SCAMP2: variants seen among roughly 807,000 people sequenced by gnomAD.
The protein encoded by SCAMP2 is secretory carrier membrane protein 2.
A neutral mutation model predicts 44.1 loss-of-function variants in SCAMP2; 25 were observed. The ratio of observed to expected loss-of-function variants is 0.57; its 90% CI spans 0.41 to 0.79. SCAMP2 has a LOEUF of 0.79. Among genes scored for constraint, SCAMP2 ranks in the 30% least tolerant of loss-of-function variants. The pLI is 0.00. For synonymous variants in SCAMP2, 156 were observed against 166.0 expected, an observed-to-expected ratio of 0.94 and a Z score of 0.46; for missense variants, 355 against 411.0, an observed-to-expected ratio of 0.86 and a Z score of 1.18.
intron 1 of SCAMP2, among the ~76,000 whole-genome samples, chr15:74,866,010 GGAAGGAAA>G (rs2064541002): frequency 1.2e-5 from 1 of 81,208 alleles, no homozygotes; most frequent in Non-Finnish European, 2.2e-5. Flanking sequence ...AAGGAAGGAA[GGAAGGAAA>G]GGAGGGAGGG....
chr15:74,863,444 G>C (rs1243522705), intron 1 of SCAMP2, among the ~76,000 whole-genome samples: 1 of 151,520 alleles, frequency 6.6e-6, no homozygotes, highest in African/African-American at 2.4e-5. Flanking sequence ...CCAGGAGGTC[G>C]AGGCTGCAGT....
At chr15:74,864,360 C>T (rs901280528) in intron 1 of SCAMP2, among the ~76,000 whole-genome samples, 2 of 152,066 alleles carry the variant, frequency 1.3e-5, no homozygotes, top group African/African-American at 2.4e-5. Context: ...CGCACCTGGC[C>T]GAGAATCTTT....
chr15:74,866,889 C>T (rs989839112), intron 1 of SCAMP2, among the ~76,000 whole-genome samples: 1 of 151,790 alleles, frequency 6.6e-6, no homozygotes, highest in Non-Finnish European at 1.5e-5. Flanking sequence ...CTCCGCCTCC[C>T]GGGTTCAAGC....
At chr15:74,864,346 C>T (rs1343089373) in intron 1 of SCAMP2, among the ~76,000 whole-genome samples, 1 of 152,186 alleles carries the variant, frequency 6.6e-6, no homozygotes, top group Non-Finnish European at 1.5e-5. Flanking sequence ...CAGGCTTGAG[C>T]CACCGCACCT....
In SCAMP2 at chr15:74,845,199, G is replaced by A. The variant is rs747518031; in HGVS notation, c.874C>T (p.Arg292Trp). Residue 292 changes from arginine (R) to tryptophan (W), a missense_variant, in exon 9 of 9, where the codon CGG becomes TGG. By Grantham distance (101) the Arg-to-Trp change is moderately radical. Coordinates refer to ENST00000268099, the MANE Select transcript of SCAMP2 (RefSeq NM_005697.5). ...GCCTGCTGGAAGCTGGCCCCTGTCC[G>A]TCGGTAGAGGGAGTGCACCTGGCGA... ...LLQRVHSLYR[R>W]TGASFQQAQE... is the part of the protein sequence containing the mutation. 104 of 1,613,238 alleles carry A rather than the reference G, an allele frequency of 6.4e-5. No individual in the cohort carries two copies. The highest frequency in any genetic ancestry group is 8.4e-5 in the Non-Finnish European group (99 of 1,179,998).
chr15:74,862,684 T>C (rs1043669915), intron 1 of SCAMP2, among the ~76,000 whole-genome samples: 2 of 151,508 alleles, frequency 1.3e-5, no homozygotes, highest in African/African-American at 2.4e-5. Flanking sequence ...ATTTTGATTT[T>C]AAAAACACAT....
chr15:74,854,884 C>G (rs780522823), intron 1 of SCAMP2, among the ~76,000 whole-genome samples: 3 of 152,024 alleles, frequency 2.0e-5, no homozygotes, highest in Non-Finnish European at 4.4e-5. Context: ...CAAGCTTTAC[C>G]CAGAAGCTTG....
intron 3 of SCAMP2, chr15:74,852,835 C>T (rs1353384835): frequency 6.5e-6 from 1 of 153,060 alleles, no homozygotes; most frequent in Non-Finnish European, 1.5e-5. Flanking sequence ...CCACACTTAT[C>T]TCCTCTCCAG....
chr15:74,852,073 C>G lies in SCAMP2; in HGVS notation c.339G>C (p.Leu113Phe). The G allele has an allele frequency of 6.4e-7, 1 of 1,572,766 alleles. No homozygotes were observed. The highest frequency in any genetic ancestry group is 8.6e-7 in the Non-Finnish European group (1 of 1,158,578). Residue 113 changes from leucine (L) to phenylalanine (F), a missense_variant, in exon 4 of 9, where the codon TTG (leucine) becomes TTC (phenylalanine). Leu to Phe is a conservative substitution (Grantham distance 22, BLOSUM62 0). Coordinates refer to ENST00000268099, the MANE Select transcript of SCAMP2 (RefSeq NM_005697.5). ...ERELQNTVAN[L>F]HVRQNNWPPL... is the part of the protein sequence containing the mutation. ...GGCCCCAGCAGCCTCCCTTACCATG[C>G]AAGTTGGCTACAGTGTTCTGCAGCT...
intron 6 of SCAMP2, among the ~76,000 whole-genome samples, chr15:74,849,227 T>C (rs1035412635): frequency 6.6e-6 from 1 of 152,080 alleles, no homozygotes; most frequent in Non-Finnish European, 1.5e-5. Flanking sequence ...ATAATAAAAC[T>C]GTATGAGGCC....
chr15:74,850,876 T>C (rs1261049235), intron 5 of SCAMP2, among the ~76,000 whole-genome samples: 1 of 152,200 alleles, frequency 6.6e-6, no homozygotes, highest in Non-Finnish European at 1.5e-5. Context: ...ACTACGTTCC[T>C]GAGAGGTGAT....
At chr15:74,849,286 AAAAACAC>A (rs2064419246) in intron 6 of SCAMP2, among the ~76,000 whole-genome samples, 1 of 152,214 alleles carries the variant, frequency 6.6e-6, no homozygotes, top group Non-Finnish European at 1.5e-5. Context: ...TGTCTCTACT[AAAAACAC>A]AAAAATTAGC....
intron 3 of SCAMP2, chr15:74,853,292 C>T: frequency 2.4e-6 from 1 of 418,848 alleles, no homozygotes; most frequent in South Asian, 1.7e-5. Flanking sequence ...CTCCACAGGG[C>T]TCTGGGGCCT....
chr15:74,848,069 CTTTTT>C (rs77348114), intron 7 of SCAMP2, among the ~76,000 whole-genome samples: 1 of 140,228 alleles, frequency 7.1e-6, no homozygotes. Context: ...AAGATAGTGT[CTTTTT>C]TTTTTTTTTT....
intron 1 of SCAMP2, among the ~76,000 whole-genome samples, chr15:74,864,262 C>T (rs1270943639): frequency 4.6e-5 from 7 of 152,196 alleles, no homozygotes; most frequent in South Asian, 2.1e-4. Context: ...AGGGTTTCAC[C>T]GTGTTAGCCA....
At chr15:74,852,250 G>C (rs2141173095) in intron 3 of SCAMP2, 64 bp from the exon 4 acceptor site, 1 of 1,224,552 alleles carries the variant, frequency 8.2e-7, no homozygotes, top group East Asian at 2.8e-5. Context: ...TGTCAGCCTG[G>C]GTAGGCAGGC....
At chr15:74,850,469 G>A (rs370163442) in intron 6 of SCAMP2, 45 bp downstream of exon 6, 10 of 1,584,160 alleles carry the variant, frequency 6.3e-6, no homozygotes, top group African/African-American at 1.3e-5. Flanking sequence ...CTGCTACCTG[G>A]GATGCCAGCC....
chr15:74,873,110 C>T (rs1313545527), intron 1 of SCAMP2, 89 bp downstream of exon 1: 2 of 1,189,580 alleles, frequency 1.7e-6, no homozygotes, highest in Non-Finnish European at 2.2e-6. Context: ...CCCTCCTACG[C>T]CACGTCTCCC....
intron 1 of SCAMP2, among the ~76,000 whole-genome samples, chr15:74,868,928 G>C (rs1315290645): frequency 6.6e-6 from 1 of 152,160 alleles, no homozygotes; most frequent in Non-Finnish European, 1.5e-5. Flanking sequence ...GGCTGAGGCG[G>C]GTGGATCACC....
Sources: allele counts gnomAD v4.1 joint callset (sites outside exome capture counted in the v4.1 genomes callset), GRCh38; gene constraint gnomAD v4.1.1; transcripts MANE v1.5; gene names NCBI Gene and HGNC (gene_info 2026-07-23, HGNC 2026-07-21).